The following FARS2 variants were observed in gnomAD, a reference collection of about 807,000 sequenced individuals.
The protein encoded by FARS2 is phenylalanyl-tRNA synthetase 2, mitochondrial.
FARS2 carries 40 observed loss-of-function variants against 46.4 expected under a neutral mutation model. That is an observed-to-expected ratio of 0.86 (90% CI 0.67 to 1.12). The LOEUF is 1.12. Ranked by LOEUF, FARS2 falls within the 50% of genes most tolerant of loss-of-function variation. FARS2 has a pLI of 0.00. For synonymous variants in FARS2, 234 were observed against 214.9 expected, an observed-to-expected ratio of 1.09 and a Z score of -0.78; for missense variants, 513 against 567.9, an observed-to-expected ratio of 0.90 and a Z score of 0.98.
Position 5,414,633 on chromosome 6 carries a change from A to G in FARS2, c.772+9932A>G, listed in dbSNP as rs568858272. 8.9e-4 allele frequency among the ~76,000 whole-genome samples: 135 copies of G among 152,298 alleles called. 1 individual carries two copies. Among genetic ancestry groups the G allele is most frequent in the African/African-American group, 3.1e-3 (128 of 41,542 alleles). ...AAGTAGGGTATTACATTGTATTGAT[A>G]TTCCACAATATGTGTATTCATCCAC... On this transcript the variant is annotated intron_variant, in intron 3 of 6. Coordinates refer to ENST00000274680, the MANE Select transcript of FARS2 (RefSeq NM_006567.5).
At chr6:5,550,320 G>C (rs913634189) in intron 5 of FARS2, among the ~76,000 whole-genome samples, 1 of 152,010 alleles carries the variant, frequency 6.6e-6, no homozygotes, top group Admixed American at 6.5e-5. Context: ...TCTTTCATCA[G>C]GCTGGAGCCC....
At chr6:5,341,210 TATATATATATATATATATATA>T (rs1561969722) in intron 1 of FARS2, among the ~76,000 whole-genome samples, 4 of 4,998 alleles carry the variant, frequency 8.0e-4, no homozygotes, top group Non-Finnish European at 9.9e-4. Flanking sequence ...TATATATATA[TATATATATATATATATATATA>T]TATATTTTTT....
At chr6:5,341,196 T>G (rs1487637189) in intron 1 of FARS2, among the ~76,000 whole-genome samples, 11 of 7,134 alleles carry the variant, frequency 1.5e-3, no homozygotes, top group East Asian at 4.3e-3. Flanking sequence ...GAGATATATA[T>G]ATATATATAT....
At chr6:5,348,249 A>G (rs1272971226) in intron 1 of FARS2, among the ~76,000 whole-genome samples, 3 of 152,142 alleles carry the variant, frequency 2.0e-5, no homozygotes, top group Admixed American at 6.5e-5. Flanking sequence ...ACTCCAAGGT[A>G]TGAAAGCATT....
chr6:5,545,064 T>G lies in FARS2; in HGVS notation c.905-116T>G, dbSNP rs1582408895. On this transcript the variant is annotated intron_variant, in intron 4 of 6. Coordinates refer to ENST00000274680, the MANE Select transcript of FARS2 (RefSeq NM_006567.5). ...GGATGTCTTTGTAGCGGCTGCCCAGTGCCTTTGCCCGCTGGTAGGCATCTA... is the reference window on the plus strand; with the variant it reads ...GGATGTCTTTGTAGCGGCTGCCCAGGGCCTTTGCCCGCTGGTAGGCATCTA... 8 of 925,332 alleles carry G rather than the reference T, an allele frequency of 8.6e-6. 1 individual carries two copies. The South Asian group carries it at 1.3e-4, about 15-fold the overall frequency. The allele number at this position is 925,332 out of a possible 1,614,324, so 57.3% of individuals were successfully genotyped here.
intron 4 of FARS2, among the ~76,000 whole-genome samples, chr6:5,448,040 A>C (rs1764277362): frequency 6.6e-6 from 1 of 152,270 alleles, no homozygotes; most frequent in African/African-American, 2.4e-5. Flanking sequence ...GCACATTCAA[A>C]GATACAGAGT....
intron 6 of FARS2, among the ~76,000 whole-genome samples, chr6:5,662,323 C>T (rs1777888503): frequency 6.6e-6 from 1 of 152,178 alleles, no homozygotes; most frequent in African/African-American, 2.4e-5. Flanking sequence ...TTTAGTTTTG[C>T]AGGGACTTCC....
intron 6 of FARS2, among the ~76,000 whole-genome samples, chr6:5,707,901 C>T (rs1366859714): frequency 6.6e-6 from 1 of 152,182 alleles, no homozygotes; most frequent in Non-Finnish European, 1.5e-5. Flanking sequence ...AGCGGGGTGC[C>T]GCCGTGGGAG....
At chr6:5,328,068 A>G (rs1322575472) in intron 1 of FARS2, among the ~76,000 whole-genome samples, 2 of 152,204 alleles carry the variant, frequency 1.3e-5, no homozygotes, top group African/African-American at 4.8e-5. Context: ...CCTGCAATTC[A>G]TGTCATTCTT....
chr6:5,649,554 C>T (rs777231376), intron 6 of FARS2, among the ~76,000 whole-genome samples: 25 of 152,166 alleles, frequency 1.6e-4, no homozygotes, highest in South Asian at 6.2e-4. Flanking sequence ...CTGTGGTGTT[C>T]GCCCTACCTG....
At chr6:5,674,884 A>G (rs1778677696) in intron 6 of FARS2, among the ~76,000 whole-genome samples, 1 of 152,178 alleles carries the variant, frequency 6.6e-6, no homozygotes, top group Non-Finnish European at 1.5e-5. Flanking sequence ...CCTTCATTAT[A>G]CAAATGAAAC....
At chr6:5,743,363 G>T (rs908916333) in intron 6 of FARS2, among the ~76,000 whole-genome samples, 4 of 152,188 alleles carry the variant, frequency 2.6e-5, no homozygotes, top group Non-Finnish European at 2.9e-5. Context: ...TTTTGGGGGT[G>T]CTGGCCACAA....
At chr6:5,700,621 C>T (rs1437164101) in intron 6 of FARS2, among the ~76,000 whole-genome samples, 1 of 152,164 alleles carries the variant, frequency 6.6e-6, no homozygotes, top group Non-Finnish European at 1.5e-5. Context: ...TGGTCTCGAA[C>T]TCCGGACTTT....
chr6:5,652,016 G>A (rs1399008870), intron 6 of FARS2, among the ~76,000 whole-genome samples: 6 of 152,152 alleles, frequency 3.9e-5, no homozygotes, highest in African/African-American at 1.4e-4. Context: ...TTACTGTGGA[G>A]CTCAGTAGTG....
chr6:5,607,933 C>G (rs2150657664), intron 5 of FARS2, among the ~76,000 whole-genome samples: 1 of 150,532 alleles, frequency 6.6e-6, no homozygotes, highest in South Asian at 2.1e-4. Context: ...ATATACCTTT[C>G]AAACACCCCA....
intron 1 of FARS2, among the ~76,000 whole-genome samples, chr6:5,330,733 A>G (rs767233316): frequency 9.9e-5 from 15 of 152,190 alleles, no homozygotes; most frequent in Admixed American, 8.5e-4. Flanking sequence ...GTTAAAGTTG[A>G]GGAGTCAGAA....
intron 4 of FARS2, among the ~76,000 whole-genome samples, chr6:5,446,203 A>G (rs1764179326): frequency 7.1e-6 from 1 of 140,240 alleles, no homozygotes. Flanking sequence ...ACTCCATCTT[A>G]AAAAAAAAAA....
chr6:5,254,852 G>T, the FARS2 span, among the ~76,000 whole-genome samples: 41 of 152,150 alleles, frequency 2.7e-4, no homozygotes, highest in African/African-American at 9.2e-4. Flanking sequence ...CTGCTCTATC[G>T]GTTATCTACT....
chr6:5,444,685 T>C (rs1764075376), intron 4 of FARS2, among the ~76,000 whole-genome samples: 1 of 152,154 alleles, frequency 6.6e-6, no homozygotes, highest in African/African-American at 2.4e-5. Flanking sequence ...AATATCCATA[T>C]ATAAATTAGA....
Sources: allele counts gnomAD v4.1 joint callset (sites outside exome capture counted in the v4.1 genomes callset), GRCh38; gene constraint gnomAD v4.1.1; transcripts MANE v1.5; gene names NCBI Gene and HGNC (gene_info 2026-07-23, HGNC 2026-07-21).